Variants in TEK observed in about 807,000 individuals in gnomAD.
TEK encodes the protein angiopoietin-1 receptor.
A neutral mutation model predicts 131.8 loss-of-function variants in TEK; 43 were observed. That is an observed-to-expected ratio of 0.33 (90% CI 0.26 to 0.42). The LOEUF (loss-of-function observed/expected upper bound fraction) is 0.42. TEK is among the 10% of genes least tolerant of loss of function. TEK has a pLI of 1.00. For synonymous variants in TEK, 580 were observed against 491.6 expected (o/e 1.18, Z -2.38); for missense variants, 1,162 against 1,384.4 (o/e 0.84, Z 2.55).
At chr9:27,138,110 G>A (rs1430855512) in intron 1 of TEK, among the ~76,000 whole-genome samples, 2 of 152,228 alleles carry the variant, frequency 1.3e-5, no homozygotes, top group Non-Finnish European at 2.9e-5. Context: ...CAGGAGTGAA[G>A]CCGCAGACCC....
intron 1 of TEK, among the ~76,000 whole-genome samples, chr9:27,153,389 G>T (rs550418898): frequency 2.3e-4 from 35 of 152,222 alleles, no homozygotes; most frequent in Non-Finnish European, 4.3e-4. Flanking sequence ...GGCGGAAGTT[G>T]CAGTGAGCCC....
chr9:27,196,995 T>C (rs2131196178), intron 11 of TEK, among the ~76,000 whole-genome samples: 1 of 150,152 alleles, frequency 6.7e-6, no homozygotes. Flanking sequence ...GTATATCTCC[T>C]AATGCTATCC....
intron 15 of TEK, 32 bp downstream of exon 15, chr9:27,206,824 C>G (rs75966213): frequency 6.2e-7 from 1 of 1,605,280 alleles, no homozygotes; most frequent in Admixed American, 1.7e-5. Flanking sequence ...GTCAGCATTG[C>G]GTGAGGGTGT....
rs593621 is a variant in TEK, at chr9:27,204,804, A to G, written c.2210-107A>G. On this transcript the variant is annotated intron_variant, in intron 13 of 22. Coordinates refer to ENST00000380036, the MANE Select transcript of TEK (RefSeq NM_000459.5). Reference sequence around the variant, plus strand: ...ATATAGTGGTTAGGTGGCAGGGTTAAGGCTGCTGTTAAGTTCCCATTACAC... The same window carrying G: ...ATATAGTGGTTAGGTGGCAGGGTTAGGGCTGCTGTTAAGTTCCCATTACAC... 352,503 of 1,466,040 alleles carry G rather than the reference A, an allele frequency of 0.24. 45,955 individuals carry two copies. Among genetic ancestry groups the G allele is most frequent in the Non-Finnish European group, 0.26 (278,760 of 1,053,412 alleles). The allele number at this position is 1,466,040 out of a possible 1,614,324, so 90.8% of individuals were successfully genotyped here.
At chr9:27,162,738 C>T (rs536747079) in intron 2 of TEK, among the ~76,000 whole-genome samples, 22 of 150,904 alleles carry the variant, frequency 1.5e-4, no homozygotes, top group African/African-American at 3.9e-4. Flanking sequence ...TTTTTTTAGA[C>T]GGAGTCTTGC....
intron 9 of TEK, among the ~76,000 whole-genome samples, chr9:27,186,182 G>T (rs765298453): frequency 6.6e-6 from 1 of 152,150 alleles, no homozygotes; most frequent in Non-Finnish European, 1.5e-5. Flanking sequence ...CATTTTTCCT[G>T]CTATAAATTA....
At chr9:27,146,598 T>A (rs1822926064) in intron 1 of TEK, among the ~76,000 whole-genome samples, 1 of 152,228 alleles carries the variant, frequency 6.6e-6, no homozygotes, top group African/African-American at 2.4e-5. Context: ...ATAGGTTTTT[T>A]CTTTTCATTG....
At chr9:27,167,241 T>C (rs1302204472) in intron 2 of TEK, among the ~76,000 whole-genome samples, 1 of 151,034 alleles carries the variant, frequency 6.6e-6, no homozygotes, top group African/African-American at 2.4e-5. Flanking sequence ...TTTTATTTTA[T>C]TTTTGAGACT....
intron 1 of TEK, among the ~76,000 whole-genome samples, chr9:27,138,432 A>G (rs955864287): frequency 6.6e-6 from 1 of 152,092 alleles, no homozygotes; most frequent in Non-Finnish European, 1.5e-5. Flanking sequence ...TGATTGGTGC[A>G]TTTACAATCC....
chr9:27,213,310 G>A (rs1307726245), intron 17 of TEK, among the ~76,000 whole-genome samples, 174 bp from the exon 18 acceptor site: 6 of 152,094 alleles, frequency 3.9e-5, no homozygotes, highest in Admixed American at 2.0e-4. Context: ...AAGATGTGGT[G>A]TGTCATTTGG....
chr9:27,174,832 T>A (rs1049316841), intron 6 of TEK, among the ~76,000 whole-genome samples: 5 of 152,056 alleles, frequency 3.3e-5, no homozygotes, highest in East Asian at 1.9e-4. Flanking sequence ...CCTTGTATTT[T>A]AAAAAAAATT....
chr9:27,143,991 A>C (rs1401887280), intron 1 of TEK, among the ~76,000 whole-genome samples: 1 of 152,136 alleles, frequency 6.6e-6, no homozygotes, highest in Non-Finnish European at 1.5e-5. Context: ...CTCATGAAAA[A>C]CTGGAAAAGA....
At chr9:27,123,539 T>C (rs887040851) in intron 1 of TEK, among the ~76,000 whole-genome samples, 4 of 152,350 alleles carry the variant, frequency 2.6e-5, no homozygotes, top group Admixed American at 2.6e-4. Context: ...ATACTGGAAC[T>C]GTCAGAGACA....
chr9:27,185,115 T>G (rs1325086800), intron 8 of TEK, among the ~76,000 whole-genome samples: 1 of 151,896 alleles, frequency 6.6e-6, no homozygotes, highest in Non-Finnish European at 1.5e-5. Context: ...CTTGACAGCC[T>G]CTCAAACACT....
chr9:27,220,314 A>C (rs1164797992), intron 21 of TEK, among the ~76,000 whole-genome samples, 169 bp downstream of exon 21: 1 of 152,194 alleles, frequency 6.6e-6, no homozygotes. Context: ...CTGTTATATA[A>C]TACACAAGAA....
intron 10 of TEK, 109 bp downstream of exon 10, chr9:27,190,799 T>A: frequency 6.8e-7 from 1 of 1,466,588 alleles, no homozygotes. Flanking sequence ...TACCTCAAGG[T>A]GGTGGCTGTT....
In TEK at chr9:27,203,076, C is replaced by A; in HGVS notation, c.2166C>A (p.Asn722Lys). Residue 722 changes from asparagine (N) to lysine (K), a missense_variant, in exon 13 of 23, where the codon AAC (asparagine) becomes AAA (lysine). By Grantham distance (94) the Asn-to-Lys change is moderately conservative. Around this residue, in one of 6 missense-constraint regions of TEK, gnomAD observed 477 missense variants for 471.0 expected, o/e 1.01. Transcript: ENST00000380036. The part of the protein sequence containing the change: ...IFAENNIGSS[N>K]PAFSHELVTL... The stretch of plus-strand genomic sequence containing the variant: ...CAGAGAACAACATAGGGTCAAGCAA[C>A]CCAGCCTTTTCTCATGAACTGGTGA... 1 of 1,614,104 alleles carries A rather than the reference C, an allele frequency of 6.2e-7. No individual in the cohort carries two copies. Among genetic ancestry groups the A allele is most frequent in the Non-Finnish European group, 8.5e-7 (1 of 1,179,996 alleles).
At position 27,137,672 on chromosome 9, in the gene TEK, T is replaced by A. The variant is rs145112085; in HGVS notation, c.53-20159T>A. Among the ~76,000 whole-genome samples, 514 of 112,928 alleles carry A rather than the reference T, an allele frequency of 4.6e-3. 1 individual carries two copies. The highest frequency in any genetic ancestry group is 7.5e-3 in the Admixed American group (86 of 11,418). 74.1% of individuals were successfully genotyped at this position (112,928 alleles called of 152,430 possible). On this transcript the variant is annotated intron_variant, in intron 1 of 22. Coordinates refer to ENST00000380036, the MANE Select transcript of TEK (RefSeq NM_000459.5). Reference sequence around the variant, plus strand: ...ATAGTTCCCGTATGATTAAAGCATCTTCTTAACAAGATTTACTTCGTTTTA... The same window carrying A: ...ATAGTTCCCGTATGATTAAAGCATCATCTTAACAAGATTTACTTCGTTTTA...
intron 4 of TEK, among the ~76,000 whole-genome samples, chr9:27,171,667 C>T (rs1264820067): frequency 2.6e-5 from 4 of 152,160 alleles, no homozygotes. Flanking sequence ...TTCTGGATGA[C>T]TACTGTGCTT....
Sources: allele counts gnomAD v4.1 joint callset (sites outside exome capture counted in the v4.1 genomes callset), GRCh38; gene constraint gnomAD v4.1.1; regional missense constraint gnomAD v4.1.1; transcripts MANE v1.5; gene names NCBI Gene and HGNC (gene_info 2026-07-23, HGNC 2026-07-21).